Variants in CENPC observed in about 807,000 individuals in gnomAD.
CENPC encodes the protein CENP-C 1.
A neutral mutation model predicts 112.1 loss-of-function variants in CENPC; 63 were observed. That is an observed-to-expected ratio of 0.56 (90% CI 0.46 to 0.69). CENPC has a LOEUF of 0.69. Among genes scored for constraint, CENPC ranks in the 30% least tolerant of loss-of-function variants. CENPC has a pLI of 0.00. For missense variants in CENPC, 1,000 were observed against 1,103.8 expected, an observed-to-expected ratio of 0.91 and a Z score of 1.33; for synonymous variants, 333 against 367.6, an observed-to-expected ratio of 0.91 and a Z score of 1.08.
rs746424033 is a variant in CENPC, at chr4:67,514,539, G to C, written c.979C>G (p.Leu327Val). The change falls in exon 8 of 19, where the codon CTG becomes GTG. Residue 327 changes from leucine (L) to valine (V), a missense_variant. Coordinates refer to ENST00000273853, the MANE Select transcript of CENPC (RefSeq NM_001812.4). ...WITIPRKAGS[L>V]KQRTISPAES... is the part of the protein sequence containing the mutation. ...GCCGGGGATATTGTGCGTTGTTTCA[G>C]AGACCCTGCCTTTCTTGGTATTGTA... 2.5e-6 allele frequency: 4 copies of C among 1,612,408 alleles called. No individual in the cohort carries two copies. The East Asian group carries it at 6.7e-5, about 27-fold the overall frequency.
chr4:67,517,592 C>G lies in CENPC; in HGVS notation c.830+564G>C, dbSNP rs533207817. 1.5e-4 allele frequency among the ~76,000 whole-genome samples: 23 copies of G among 149,828 alleles called. 1 individual carries two copies. The highest frequency in any genetic ancestry group is 6.9e-3 in the Middle Eastern group (2 of 290). On this transcript the variant is annotated intron_variant, in intron 7 of 18. Transcript: ENST00000273853. The stretch of plus-strand genomic sequence containing the variant: ...GTGGCTCAAGCTTGTAATCCCAGCA[C>G]TTTGGGAGGCCGAGGCAGATGGATC...
chr4:67,475,074 C>A, intron 17 of CENPC, 96 bp from the exon 18 acceptor site: 1 of 675,450 alleles, frequency 1.5e-6, no homozygotes. Context: ...CGACTCCCCA[C>A]AAATGTGCTG....
At chr4:67,485,070 G>A (rs2109768826) in intron 17 of CENPC, among the ~76,000 whole-genome samples, 1 of 152,198 alleles carries the variant, frequency 6.6e-6, no homozygotes, top group Admixed American at 6.5e-5. Flanking sequence ...TCCAGCCTGG[G>A]TGACAGAGCG....
intron 10 of CENPC, among the ~76,000 whole-genome samples, chr4:67,507,855 AAAAG>A (rs1419187348): frequency 6.6e-6 from 1 of 152,176 alleles, no homozygotes; most frequent in Non-Finnish European, 1.5e-5. Context: ...ACAATAAAAT[AAAAG>A]AGAGAGAAAA....
intron 12 of CENPC, among the ~76,000 whole-genome samples, chr4:67,498,503 A>G (rs1027329130): frequency 2.0e-5 from 3 of 152,206 alleles, no homozygotes; most frequent in Non-Finnish European, 2.9e-5. Flanking sequence ...TGCTTTACCA[A>G]CTAAGTTCAT....
intron 18 of CENPC, 58 bp from the exon 19 acceptor site, chr4:67,472,733 TTAAG>T: frequency 7.1e-7 from 1 of 1,414,756 alleles, no homozygotes. Context: ...TTCTTTTTGA[TTAAG>T]TATGTAGTCA....
At chr4:67,485,416 A>G (rs1725068386) in intron 17 of CENPC, among the ~76,000 whole-genome samples, 1 of 152,182 alleles carries the variant, frequency 6.6e-6, no homozygotes, top group Non-Finnish European at 1.5e-5. Context: ...TTTGAGATTC[A>G]GCCATTGTTA....
intron 16 of CENPC, among the ~76,000 whole-genome samples, chr4:67,491,445 T>TGATATATA (rs1560423071): frequency 7.8e-5 from 5 of 64,170 alleles, no homozygotes; most frequent in African/African-American, 1.8e-4. Flanking sequence ...TTTAAATATT[T>TGATATATA]CATATATATA....
At chr4:67,496,438 G>A (rs1434887673) in intron 12 of CENPC, among the ~76,000 whole-genome samples, 4 of 152,076 alleles carry the variant, frequency 2.6e-5, no homozygotes, top group African/African-American at 9.7e-5. Context: ...ATATACAACT[G>A]GGACACAATG....
intron 15 of CENPC, 156 bp downstream of exon 15, chr4:67,492,713 C>T: frequency 8.6e-7 from 1 of 1,158,504 alleles, no homozygotes; most frequent in Non-Finnish European, 1.1e-6. Context: ...GCTTACTTTC[C>T]ATTTGGAAGA....
intron 16 of CENPC, among the ~76,000 whole-genome samples, chr4:67,490,871 T>G (rs28439101): frequency 0.37 from 20,174 of 53,806 alleles, 2,022 homozygotes; most frequent in South Asian, 0.52. Flanking sequence ...TATATATATA[T>G]ATATATAGAA....
intron 5 of CENPC, among the ~76,000 whole-genome samples, chr4:67,526,942 T>C (rs1357298760): frequency 2.6e-5 from 4 of 152,172 alleles, no homozygotes; most frequent in Admixed American, 6.5e-5. Flanking sequence ...CAGTGCATAC[T>C]ATGTCATAAA....
At chr4:67,478,338 T>G (rs1724862398) in intron 17 of CENPC, among the ~76,000 whole-genome samples, 1 of 151,998 alleles carries the variant, frequency 6.6e-6, no homozygotes, top group South Asian at 2.1e-4. Flanking sequence ...CCTATCAGAT[T>G]AACAGCAGAT....
chr4:67,471,403 A>T lies in CENPC; in HGVS notation c.*1202T>A, dbSNP rs1414913975. 2 of 152,220 alleles carry T rather than the reference A, an allele frequency of 1.3e-5. No individual in the cohort carries two copies. The highest frequency in any genetic ancestry group is 2.9e-5 in the Non-Finnish European group (2 of 68,036). The allele number at this position is 152,220 out of a possible 1,614,324, so 9.4% of individuals were successfully genotyped here. ...GTCAACCAAAAATTATTAGACATGT[A>T]AAAACATATGAAAGTGAAATATACT... is the stretch of plus-strand genomic sequence containing the variant. On this transcript the variant is annotated 3_prime_UTR_variant, in exon 19 of 19. Coordinates refer to ENST00000273853, the MANE Select transcript of CENPC (RefSeq NM_001812.4).
At chr4:67,503,603 C>T (rs1725652162) in intron 12 of CENPC, among the ~76,000 whole-genome samples, 1 of 151,930 alleles carries the variant, frequency 6.6e-6, no homozygotes, top group Non-Finnish European at 1.5e-5. Flanking sequence ...AGTAAATATT[C>T]CATAATTTTT....
intron 4 of CENPC, among the ~76,000 whole-genome samples, 191 bp from the exon 5 acceptor site, chr4:67,531,105 G>A (rs1397200558): frequency 6.6e-6 from 1 of 152,032 alleles, no homozygotes; most frequent in Non-Finnish European, 1.5e-5. Context: ...GCATTATTCA[G>A]TAAAGCTGAA....
At position 67,470,461 on chromosome 4, in the gene CENPC, A is replaced by C. The variant is rs949699591; in HGVS notation, c.*2144T>G. 7.9e-5 allele frequency: 12 copies of C among 151,786 alleles called. No homozygotes were observed. The highest frequency in any genetic ancestry group is 2.7e-4 in the African/African-American group (11 of 41,292). 9.4% of individuals were successfully genotyped at this position (151,786 alleles called of 1,614,324 possible). ...GTGGCAAGCAACTGTAATCCCAGCT[A>C]CTCAGGAGGCTGACGCAGGAGAATT... On this transcript the variant is annotated 3_prime_UTR_variant, in exon 19 of 19. Coordinates refer to ENST00000273853, the MANE Select transcript of CENPC (RefSeq NM_001812.4).
In CENPC at chr4:67,506,870, G is replaced by A. The variant is rs186769176; in HGVS notation, c.1969C>T (p.Gln657Ter). The change falls in exon 11 of 19, where the codon CAG becomes TAG. Residue 657 changes from glutamine (Q) to a stop codon, truncating the protein, a stop_gained. Coordinates refer to ENST00000273853, the MANE Select transcript of CENPC (RefSeq NM_001812.4). LOFTEE classifies it high-confidence loss of function. ...MTAQNVPLKPQTSGYTCNIPT... is the reference protein window; with the variant it reads ...MTAQNVPLKP ...ATATTACATGTATATCCACTGGTCT[G>A]AGGCTTTAGGGGAACATTCTGTGCA... 3 of 1,612,404 alleles carry A rather than the reference G, an allele frequency of 1.9e-6. No homozygotes were observed. The highest frequency in any genetic ancestry group is 3.3e-5 in the Admixed American group (2 of 59,874).
At chr4:67,515,359 G>A (rs1047933251) in intron 7 of CENPC, among the ~76,000 whole-genome samples, 1 of 151,726 alleles carries the variant, frequency 6.6e-6, no homozygotes, top group Admixed American at 6.6e-5. Flanking sequence ...CCAGCTACTT[G>A]GGAGGCTGAG....
Sources: gnomAD v4.1 joint callset for allele counts (sites outside exome capture counted in the v4.1 genomes callset) on GRCh38, gnomAD v4.1.1 for gene constraint, MANE v1.5 for transcripts, NCBI Gene and HGNC (gene_info 2026-07-23, HGNC 2026-07-21) for gene names.